CLSTN2: variants seen among roughly 807,000 people sequenced by gnomAD.
CLSTN2 encodes calsyntenin-2.
In CLSTN2, 48 loss-of-function variants were observed where a neutral mutation model predicts 101.2. The ratio of observed to expected loss-of-function variants is 0.47; its 90% CI spans 0.38 to 0.60. The LOEUF is 0.60. Ranked by LOEUF, CLSTN2 falls within the 20% of genes least tolerant of loss-of-function variation. The pLI, the probability that CLSTN2 is intolerant of heterozygous loss-of-function variation, is 0.00. For synonymous variants in CLSTN2, 481 were observed against 463.6 expected (o/e 1.04, Z -0.48); for missense variants, 1,160 against 1,238.2 (o/e 0.94, Z 0.95).
intron 5 of CLSTN2, among the ~76,000 whole-genome samples, chr3:140,446,898 G>C: frequency 6.6e-6 from 1 of 152,124 alleles, no homozygotes; most frequent in East Asian, 1.9e-4. Context: ...TTCATCACCT[G>C]CCTCTCTCCC....
intron 2 of CLSTN2, among the ~76,000 whole-genome samples, chr3:140,398,452 A>G (rs567762999): frequency 5.9e-5 from 9 of 152,300 alleles, no homozygotes; most frequent in Non-Finnish European, 1.2e-4. Context: ...TTATGTCATC[A>G]GTGCAAATGT....
chr3:140,209,853 T>C (rs888033733), intron 2 of CLSTN2, among the ~76,000 whole-genome samples: 3 of 152,148 alleles, frequency 2.0e-5, no homozygotes, highest in Non-Finnish European at 4.4e-5. Flanking sequence ...TGAAGTGAGT[T>C]GGAGCCTCAA....
intron 5 of CLSTN2, among the ~76,000 whole-genome samples, chr3:140,426,310 A>G (rs983349194): frequency 6.6e-6 from 1 of 152,080 alleles, no homozygotes; most frequent in African/African-American, 2.4e-5. Context: ...CCAGTGTGTG[A>G]TGTTCCCCTC....
chr3:139,978,451 C>A (rs375722241), intron 1 of CLSTN2, among the ~76,000 whole-genome samples: 6 of 152,146 alleles, frequency 3.9e-5, no homozygotes, highest in Admixed American at 2.6e-4. Context: ...GTACCCAGAG[C>A]ATAAGAATGA....
rs530536271 is a variant in CLSTN2, at chr3:140,515,319, T to TTTAA, written c.1345-17001_1345-16998dup. 1.4e-4 allele frequency among the ~76,000 whole-genome samples: 21 copies of TTTAA among 152,184 alleles called. No homozygotes were observed. The East Asian group carries it at 4.1e-3, about 29-fold the overall frequency. On this transcript the variant is annotated intron_variant, in intron 8 of 16. Transcript: ENST00000458420. ...TTTTCCCCAAAGAACCAGCTTTTGG[T>TTTAA]TTAATTAGTCTTTTTATTGTTTTTC...
At chr3:140,506,729 T>C (rs1243548604) in intron 8 of CLSTN2, 2 of 152,178 alleles carry the variant, frequency 1.3e-5, no homozygotes, top group South Asian at 4.1e-4. Context: ...CTATAACCCA[T>C]AGGAGAGCCA....
chr3:140,560,640 C>A (rs928441438), intron 12 of CLSTN2, among the ~76,000 whole-genome samples: 1 of 152,160 alleles, frequency 6.6e-6, no homozygotes, highest in Non-Finnish European at 1.5e-5. Flanking sequence ...GAACCCAGCA[C>A]GCTCCCTTGT....
chr3:140,400,476 ATGGCT>A (rs997050579), intron 2 of CLSTN2, among the ~76,000 whole-genome samples: 1 of 152,148 alleles, frequency 6.6e-6, no homozygotes, highest in African/African-American at 2.4e-5. Flanking sequence ...CGACAGGAGA[ATGGCT>A]TGAGGTCAGG....
Position 140,079,517 on chromosome 3 carries a change from A to G in CLSTN2, c.110-96434A>G, listed in dbSNP as rs189187512. Among the ~76,000 whole-genome samples the G allele has an allele frequency of 4.7e-4, 72 of 152,300 alleles. 2 individuals are homozygous for G. The East Asian group carries it at 0.011, about 24-fold the overall frequency. On this transcript the variant is annotated intron_variant, in intron 1 of 16. Transcript: ENST00000458420. ...GTAATCCCAGCACTTTGGGAGGCCA[A>G]CGCAGGGGCAGATCATGAGGTCAGG...
rs141449800 is a variant in CLSTN2 at position 140,277,629 on chromosome 3, T to C, written c.232+101556T>C. Among the ~76,000 whole-genome samples the C allele has an allele frequency of 1.8e-4, 27 of 152,300 alleles. 1 individual carries two copies. The East Asian group carries it at 5.2e-3, about 29-fold the overall frequency. ...ATAATTGAATTATACCAACGATTAA[T>C]TTTTTTAAATAATTATTTGTAGATT... is the stretch of plus-strand genomic sequence containing the variant. On this transcript the variant is annotated intron_variant, in intron 2 of 16. Coordinates refer to ENST00000458420, the MANE Select transcript of CLSTN2 (RefSeq NM_022131.3).
intron 1 of CLSTN2, among the ~76,000 whole-genome samples, chr3:140,002,716 A>T (rs1477594604): frequency 6.6e-6 from 1 of 152,122 alleles, no homozygotes; most frequent in Non-Finnish European, 1.5e-5. Flanking sequence ...TAAGTCTTTA[A>T]TCCATTTTGA....
chr3:140,427,210 TA>T (rs2088579228), intron 5 of CLSTN2, among the ~76,000 whole-genome samples: 1 of 74,806 alleles, frequency 1.3e-5, no homozygotes, highest in Non-Finnish European at 2.2e-5. Context: ...TATATGTGTA[TA>T]TATATATATA....
At chr3:140,144,771 A>G (rs879495198) in intron 1 of CLSTN2, among the ~76,000 whole-genome samples, 4 of 152,212 alleles carry the variant, frequency 2.6e-5, no homozygotes, top group Non-Finnish European at 4.4e-5. Context: ...AGTCCGTGCC[A>G]CCTGGCATCT....
intron 8 of CLSTN2, among the ~76,000 whole-genome samples, chr3:140,503,674 T>A (rs1050390612): frequency 2.0e-5 from 3 of 152,246 alleles, no homozygotes; most frequent in Non-Finnish European, 4.4e-5. Context: ...GGAATGCTCT[T>A]AATGAGCCAG....
At chr3:139,988,519 T>C (rs1281273579) in intron 1 of CLSTN2, among the ~76,000 whole-genome samples, 1 of 152,122 alleles carries the variant, frequency 6.6e-6, no homozygotes, top group Non-Finnish European at 1.5e-5. Context: ...GGTAATGACA[T>C]AAAAGGAGGA....
intron 1 of CLSTN2, among the ~76,000 whole-genome samples, chr3:139,965,700 A>T (rs1447222656): frequency 6.6e-6 from 1 of 152,174 alleles, no homozygotes; most frequent in Non-Finnish European, 1.5e-5. Flanking sequence ...AAGATGGCAG[A>T]GCCTAGCTTT....
At chr3:140,365,417 G>A (rs1425241751) in intron 2 of CLSTN2, among the ~76,000 whole-genome samples, 6 of 152,096 alleles carry the variant, frequency 3.9e-5, no homozygotes, top group Admixed American at 3.9e-4. Flanking sequence ...CCAAAGCAAA[G>A]AATTCTTAGT....
rs2010416369 is a variant in CLSTN2 at position 140,182,076 on chromosome 3, A to G, written c.232+6003A>G. On this transcript the variant is annotated intron_variant, in intron 2 of 16. Transcript: ENST00000458420. ...AGAAAGGTGCAGCTTGGGAAGTTCA[A>G]GACATCTTCAATACCACTCAAATAC... Among the ~76,000 whole-genome samples, 3 of 152,202 alleles carry G rather than the reference A, an allele frequency of 2.0e-5. No individual in the cohort carries two copies. The South Asian group carries it at 6.2e-4, about 32-fold the overall frequency.
chr3:140,323,978 C>T (rs374891364), intron 2 of CLSTN2, among the ~76,000 whole-genome samples: 114 of 152,320 alleles, frequency 7.5e-4, no homozygotes, highest in African/African-American at 2.7e-3. Flanking sequence ...GCAGATCCCT[C>T]CTGATGTCAA....
Sources: allele counts gnomAD v4.1 joint callset (sites outside exome capture counted in the v4.1 genomes callset), GRCh38; gene constraint gnomAD v4.1.1; transcripts MANE v1.5; gene names NCBI Gene and HGNC (gene_info 2026-07-23, HGNC 2026-07-21).